The following WDFY3 variants were observed in gnomAD, a reference collection of about 807,000 sequenced individuals.
The protein encoded by WDFY3 is WD repeat and FYVE domain-containing protein 3.
Under a neutral mutation model 409.6 loss-of-function variants are expected in WDFY3, and 66 were observed. The observed-to-expected ratio is 0.16, with a 90% confidence interval of 0.13 to 0.20. The LOEUF (loss-of-function observed/expected upper bound fraction) is 0.20, where lower values mean the gene tolerates loss of function less well. WDFY3 is among the 10% of genes least tolerant of loss of function. WDFY3 has a pLI of 1.00. For missense variants in WDFY3, 3,031 were observed against 4,298.1 expected, an observed-to-expected ratio of 0.71 and a Z score of 8.24; for synonymous variants, 1,521 against 1,537.1, an observed-to-expected ratio of 0.99 and a Z score of 0.25.
rs555895549 is a variant in WDFY3 at position 84,690,360 on chromosome 4, A to G, written c.9363+146T>C. On this transcript the variant is annotated intron_variant, in intron 61 of 67. Coordinates refer to ENST00000295888, the MANE Select transcript of WDFY3 (RefSeq NM_014991.6). ...TTCTGATTTCCTTTTTTTTTCAAAA[A>G]AGTATTTCTAGCAACAGAACGTCAC... 299 of 1,168,062 alleles carry G rather than the reference A, an allele frequency of 2.6e-4. 8 individuals are homozygous for G. In the South Asian group the frequency reaches 3.0e-3, roughly 12 times the overall value. The allele number at this position is 1,168,062 out of a possible 1,614,324, so 72.4% of individuals were successfully genotyped here.
intron 44 of WDFY3, among the ~76,000 whole-genome samples, chr4:84,732,627 T>C (rs1448505428): frequency 2.0e-5 from 3 of 152,212 alleles, no homozygotes; most frequent in Admixed American, 6.5e-5. Context: ...GATCATGTAG[T>C]ATTTGTCCTT....
chr4:84,707,858 A>G (rs1044853879), intron 53 of WDFY3, among the ~76,000 whole-genome samples: 1 of 152,190 alleles, frequency 6.6e-6, no homozygotes, highest in African/African-American at 2.4e-5. Flanking sequence ...GAACTAACGT[A>G]CACCCATGCA....
chr4:84,932,767 T>G (rs1770921890), intron 1 of WDFY3, among the ~76,000 whole-genome samples: 1 of 152,140 alleles, frequency 6.6e-6, no homozygotes, highest in Non-Finnish European at 1.5e-5. Context: ...ATGCTATTTC[T>G]CTAGGTGTAT....
intron 1 of WDFY3, among the ~76,000 whole-genome samples, chr4:84,952,130 T>A (rs1319573665): frequency 6.6e-6 from 1 of 152,198 alleles, no homozygotes; most frequent in Non-Finnish European, 1.5e-5. Flanking sequence ...GTGGTAGTAG[T>A]GGCCTTAATG....
chr4:84,853,333 G>A (rs1266336387), intron 4 of WDFY3, among the ~76,000 whole-genome samples: 1 of 151,598 alleles, frequency 6.6e-6, no homozygotes, highest in African/African-American at 2.4e-5. Context: ...ACCACACCCG[G>A]CTAATTTTTT....
At position 84,724,739 on chromosome 4, in the gene WDFY3, C is replaced by A. The variant is rs183672583; in HGVS notation, c.7273-145G>T. On this transcript the variant is annotated intron_variant, in intron 45 of 67. Coordinates refer to ENST00000295888, the MANE Select transcript of WDFY3 (RefSeq NM_014991.6). Reference sequence around the variant, plus strand: ...TGTATGTATATACAGTAAATCCACACTTTTGGGTTAAGTTTCTCTATTTTA... The same window carrying A: ...TGTATGTATATACAGTAAATCCACAATTTTGGGTTAAGTTTCTCTATTTTA... 1,508 of 769,792 alleles carry A rather than the reference C, an allele frequency of 2.0e-3. 8 individuals are homozygous for A. The highest frequency in any genetic ancestry group is 2.0e-3 in the Non-Finnish European group (1,107 of 550,612). The allele number at this position is 769,792 out of a possible 1,614,324, so 47.7% of individuals were successfully genotyped here. A position where few individuals can be genotyped will look rare whatever the true frequency, so the allele number is the denominator to read the frequency against.
At chr4:84,903,024 G>A (rs1460278546) in intron 2 of WDFY3, among the ~76,000 whole-genome samples, 1 of 152,142 alleles carries the variant, frequency 6.6e-6, no homozygotes, top group African/African-American at 2.4e-5. Context: ...ATGAAGGAAA[G>A]TCACAAAGTG....
intron 11 of WDFY3, 62 bp downstream of exon 11, chr4:84,821,022 C>CA: frequency 1.4e-6 from 2 of 1,420,350 alleles, no homozygotes; most frequent in East Asian, 2.4e-5. Context: ...GGAACAAGAA[C>CA]AAAAAATTCT....
chr4:84,789,653 ACACACACACACACACACC>A (rs1367310312), intron 22 of WDFY3, 55 bp downstream of exon 22: 12 of 1,426,608 alleles, frequency 8.4e-6, no homozygotes, highest in South Asian at 4.9e-5. Context: ...ACACACACAC[ACACACACACACACACACC>A]CCCCAAACTA....
chr4:84,677,942 A>G (rs1230557085), intron 66 of WDFY3, among the ~76,000 whole-genome samples: 2 of 146,736 alleles, frequency 1.4e-5, no homozygotes, highest in East Asian at 4.0e-4. Flanking sequence ...AGCCTAAGTG[A>G]CAGAACAAGA....
chr4:84,937,747 T>C (rs2151006527), intron 1 of WDFY3, among the ~76,000 whole-genome samples: 1 of 152,268 alleles, frequency 6.6e-6, no homozygotes, highest in African/African-American at 2.4e-5. Flanking sequence ...ATTTGGCCCC[T>C]ATTACCCCTG....
In WDFY3 at chr4:84,708,936, G is replaced by C. The variant is rs1450890790; in HGVS notation, c.8190C>G (p.Pro2730=). Residue 2730 remains proline, a synonymous_variant, in exon 53 of 68, where the codon CCC becomes CCG. Coordinates refer to ENST00000295888, the MANE Select transcript of WDFY3 (RefSeq NM_014991.6). ...YNDLMQYPVF[P]WILADYDSEE... The stretch of plus-strand genomic sequence containing the variant: ...CTGAGTCATAATCTGCAAGGATCCA[G>C]GGGAAGACAGGATACTGCATGAGAT... 1 of 1,613,832 alleles carries C rather than the reference G, an allele frequency of 6.2e-7. No homozygotes were observed. Among genetic ancestry groups the C allele is most frequent in the African/African-American group, 1.3e-5 (1 of 74,900 alleles).
intron 4 of WDFY3, among the ~76,000 whole-genome samples, chr4:84,856,380 A>G (rs1759768118): frequency 6.6e-6 from 1 of 152,208 alleles, no homozygotes; most frequent in African/African-American, 2.4e-5. Context: ...GCAGTTATGA[A>G]TTTTTAGACA....
intron 3 of WDFY3, among the ~76,000 whole-genome samples, chr4:84,878,169 A>G (rs947320974): frequency 8.5e-5 from 13 of 152,222 alleles, no homozygotes; most frequent in Admixed American, 7.9e-4. Context: ...GAAAAAAATT[A>G]CTAACAGAGA....
chr4:84,932,478 T>C (rs1043998041), intron 1 of WDFY3, 115 bp from the exon 2 acceptor site: 11 of 152,236 alleles, frequency 7.2e-5, no homozygotes, highest in African/African-American at 2.7e-4. Flanking sequence ...TGTTTAATAA[T>C]GGAACATATA....
chr4:84,836,556 T>C (rs1394427535), intron 7 of WDFY3, among the ~76,000 whole-genome samples: 1 of 152,034 alleles, frequency 6.6e-6, no homozygotes, highest in African/African-American at 2.4e-5. Flanking sequence ...GCTGGGGACT[T>C]CCTGTATATA....
chr4:84,675,768 A>G (rs1726171565), intron 67 of WDFY3, among the ~76,000 whole-genome samples: 1 of 150,738 alleles, frequency 6.6e-6, no homozygotes, highest in Non-Finnish European at 1.5e-5. Flanking sequence ...TGTACTGTCC[A>G]TGGAATCCTT....
intron 23 of WDFY3, among the ~76,000 whole-genome samples, chr4:84,786,342 T>C (rs1347845726): frequency 6.6e-6 from 1 of 152,226 alleles, no homozygotes; most frequent in Non-Finnish European, 1.5e-5. Flanking sequence ...CATAGAGTTC[T>C]ACATTCTAAG....
In WDFY3 at chr4:84,709,064, A is replaced by G. The variant is rs940549819; in HGVS notation, c.8098-36T>C. The G allele has an allele frequency of 6.8e-6, 11 of 1,610,666 alleles. No homozygotes were observed. In the African/African-American group the frequency reaches 1.2e-4, roughly 18 times the overall value. Reference sequence around the variant, plus strand: ...ATAAATATTCATTTTTGAGCTATCGATTATTTCCACTATGTTCAGCTTTTA... The same window carrying G: ...ATAAATATTCATTTTTGAGCTATCGGTTATTTCCACTATGTTCAGCTTTTA... On this transcript the variant is annotated intron_variant, in intron 52 of 67. Coordinates refer to ENST00000295888, the MANE Select transcript of WDFY3 (RefSeq NM_014991.6).
Sources: gnomAD v4.1 joint callset for allele counts (sites outside exome capture counted in the v4.1 genomes callset) on GRCh38, gnomAD v4.1.1 for gene constraint, MANE v1.5 for transcripts, NCBI Gene and HGNC (gene_info 2026-07-23, HGNC 2026-07-21) for gene names.